RAB2A: variants seen among roughly 807,000 people sequenced by gnomAD.
RAB2A encodes RAB2A, member RAS oncogene family.
In RAB2A, 7 loss-of-function variants were observed where a neutral mutation model predicts 32.5. The ratio of observed to expected loss-of-function variants is 0.22; its 90% confidence interval spans 0.12 to 0.40. RAB2A has a LOEUF of 0.40. Ranked by LOEUF, RAB2A falls within the 10% of genes least tolerant of loss-of-function variation. RAB2A has a pLI of 1.00. For synonymous variants in RAB2A, 79 were observed against 85.2 expected, an observed-to-expected ratio of 0.93 and a Z score of 0.40; for missense variants, 108 against 260.7, an observed-to-expected ratio of 0.41 and a Z score of 4.03.
chr8:60,594,943 C>A (rs538433806), intron 6 of RAB2A, among the ~76,000 whole-genome samples: 3 of 152,022 alleles, frequency 2.0e-5, no homozygotes. Context: ...AATAAACATA[C>A]GTAGCACAGT....
chr8:60,591,210 A>G (rs909188855), intron 5 of RAB2A, among the ~76,000 whole-genome samples: 5 of 151,724 alleles, frequency 3.3e-5, no homozygotes, highest in Admixed American at 2.0e-4. Flanking sequence ...ATAAAATTCT[A>G]GTATGATAAA....
chr8:60,564,192 G>T (rs1417759748), intron 2 of RAB2A, among the ~76,000 whole-genome samples: 2 of 151,996 alleles, frequency 1.3e-5, no homozygotes, highest in Non-Finnish European at 1.5e-5. Context: ...CTTGGTTTTG[G>T]TTTCACTCAG....
intron 3 of RAB2A, among the ~76,000 whole-genome samples, chr8:60,573,074 C>T (rs892759277): frequency 2.0e-5 from 2 of 102,388 alleles, no homozygotes; most frequent in Admixed American, 8.3e-5. Context: ...AATCCAGCCT[C>T]ACACAAATAG....
At chr8:60,598,305 G>A (rs926924790) in intron 6 of RAB2A, among the ~76,000 whole-genome samples, 1 of 152,054 alleles carries the variant, frequency 6.6e-6, no homozygotes, top group Admixed American at 6.6e-5. Context: ...GTTTCACTGC[G>A]GAATTCTACC....
chr8:60,602,384 T>C (rs887385804), intron 6 of RAB2A, among the ~76,000 whole-genome samples: 2 of 152,336 alleles, frequency 1.3e-5, no homozygotes, highest in South Asian at 4.1e-4. Flanking sequence ...TTATCATATA[T>C]AACTTAACAG....
chr8:60,520,989 A>T (rs190513179), intron 1 of RAB2A, among the ~76,000 whole-genome samples: 345 of 152,100 alleles, frequency 2.3e-3, no homozygotes, highest in African/African-American at 7.8e-3. Context: ...GCTAATTTTT[A>T]AATTTTTGTA....
chr8:60,541,456 A>T (rs1165035353), intron 1 of RAB2A, among the ~76,000 whole-genome samples: 1 of 152,224 alleles, frequency 6.6e-6, no homozygotes, highest in Non-Finnish European at 1.5e-5. Flanking sequence ...GCACTTTGGG[A>T]GGCAGTCAGA....
At chr8:60,614,905 A>G (rs954275431) in intron 6 of RAB2A, among the ~76,000 whole-genome samples, 5 of 152,196 alleles carry the variant, frequency 3.3e-5, no homozygotes, top group Non-Finnish European at 5.9e-5. Context: ...TTACTGCAAC[A>G]GAGCACCGGC....
At chr8:60,564,531 T>C (rs768994658) in intron 2 of RAB2A, among the ~76,000 whole-genome samples, 2 of 152,166 alleles carry the variant, frequency 1.3e-5, no homozygotes, top group Non-Finnish European at 2.9e-5. Flanking sequence ...CCATTCCACT[T>C]ATCCCTCCTC....
intron 1 of RAB2A, chr8:60,558,533 G>A (rs747618551): frequency 1.8e-4 from 87 of 494,930 alleles, no homozygotes; most frequent in Non-Finnish European, 3.1e-4. Flanking sequence ...AAAAACAAAA[G>A]TGCACAAAAA....
In RAB2A at chr8:60,572,127, A is replaced by T. The variant is rs774263355; in HGVS notation, c.186+14A>T. On this transcript the variant is annotated intron_variant, in intron 3 of 7. Coordinates refer to ENST00000262646, the MANE Select transcript of RAB2A (RefSeq NM_002865.3). ...ATATGGGATACGGTAAGTATAGGAA[A>T]AGTGCACTGTATGATCTCAGTAAAG... is the stretch of plus-strand genomic sequence containing the variant. The T allele has an allele frequency of 3.2e-6, 5 of 1,559,504 alleles. No individual in the cohort carries two copies. Among genetic ancestry groups the T allele is most frequent in the Non-Finnish European group, 4.4e-6 (5 of 1,135,130 alleles).
intron 1 of RAB2A, among the ~76,000 whole-genome samples, chr8:60,541,996 T>C (rs1807653390): frequency 6.6e-6 from 1 of 152,184 alleles, no homozygotes; most frequent in African/African-American, 2.4e-5. Context: ...TGTTCATCTT[T>C]GAAAAAATCA....
intron 3 of RAB2A, among the ~76,000 whole-genome samples, chr8:60,575,034 G>A (rs1808249915): frequency 6.6e-6 from 1 of 151,456 alleles, no homozygotes; most frequent in Admixed American, 6.6e-5. Context: ...TTCTTTTGGA[G>A]GTTGTTTCTT....
intron 3 of RAB2A, among the ~76,000 whole-genome samples, chr8:60,582,142 T>A (rs1299781987): frequency 2.6e-5 from 4 of 151,932 alleles, no homozygotes; most frequent in African/African-American, 7.3e-5. Flanking sequence ...AGAGATGGGG[T>A]CTCGCCATGT....
At chr8:60,611,749 C>A (rs1804352850) in intron 6 of RAB2A, among the ~76,000 whole-genome samples, 1 of 152,074 alleles carries the variant, frequency 6.6e-6, no homozygotes, top group Admixed American at 6.5e-5. Context: ...AATAAGCATT[C>A]TAAGAATAAC....
At chr8:60,565,547 C>T (rs1461398927) in intron 2 of RAB2A, among the ~76,000 whole-genome samples, 4 of 151,872 alleles carry the variant, frequency 2.6e-5, no homozygotes, top group African/African-American at 7.3e-5. Context: ...TTAAAATATA[C>T]CTCATTTATT....
chr8:60,588,728 G>A (rs531776755), intron 5 of RAB2A, among the ~76,000 whole-genome samples: 1 of 152,256 alleles, frequency 6.6e-6, no homozygotes, highest in South Asian at 2.1e-4. Context: ...GAGACTGATG[G>A]CTTCACGGGC....
intron 1 of RAB2A, among the ~76,000 whole-genome samples, chr8:60,549,671 A>G (rs1301800801): frequency 6.6e-6 from 1 of 152,050 alleles, no homozygotes; most frequent in Admixed American, 6.5e-5. Flanking sequence ...GGCAGGAGAT[A>G]GTTTTTTCCC....
chr8:60,565,676 ATTTTTTTTTTTT>A (rs71252885), intron 2 of RAB2A, among the ~76,000 whole-genome samples: 26 of 97,648 alleles, frequency 2.7e-4, no homozygotes, highest in Admixed American at 5.0e-4. Context: ...TCTGTAGCTG[ATTTTTTTTTTTT>A]TTTTTTTTTT....
Sources: allele counts gnomAD v4.1 joint callset (sites outside exome capture counted in the v4.1 genomes callset), GRCh38; gene constraint gnomAD v4.1.1; transcripts MANE v1.5; gene names NCBI Gene and HGNC (gene_info 2026-07-23, HGNC 2026-07-21).